PTPRD: variants seen among roughly 807,000 people sequenced by gnomAD.
PTPRD encodes receptor-type tyrosine-protein phosphatase delta.
A neutral mutation model predicts 214.5 loss-of-function variants in PTPRD; 34 were observed. That is an observed-to-expected ratio of 0.16 (90% CI 0.12 to 0.21). PTPRD has a LOEUF of 0.21. PTPRD is among the 10% of genes least tolerant of loss of function. The pLI is 1.00. For missense variants in PTPRD, 2,545 were observed against 2,398.7 expected (o/e 1.06, Z -1.27); for synonymous variants, 1,128 against 845.7 (o/e 1.33, Z -5.79).
At chr9:9,024,483 T>C (rs1277960948) in intron 10 of PTPRD, among the ~76,000 whole-genome samples, 1 of 151,464 alleles carries the variant, frequency 6.6e-6, no homozygotes, top group Non-Finnish European at 1.5e-5. Flanking sequence ...ATTACAAAAA[T>C]TATAATATCT....
chr9:9,674,800 T>C (rs552487740), intron 7 of PTPRD, among the ~76,000 whole-genome samples: 7 of 152,004 alleles, frequency 4.6e-5, no homozygotes, highest in African/African-American at 1.4e-4. Flanking sequence ...AAGATTTTGA[T>C]ACATATAAAG....
At chr9:9,766,698 C>T (rs936614693) in intron 6 of PTPRD, 112 bp downstream of exon 6, 1 of 152,198 alleles carries the variant, frequency 6.6e-6, no homozygotes, top group Admixed American at 6.5e-5. Context: ...ACAAAAAGTG[C>T]ATGTCCCATG....
At chr9:10,516,229 C>A (rs2050057450) in intron 2 of PTPRD, among the ~76,000 whole-genome samples, 1 of 151,702 alleles carries the variant, frequency 6.6e-6, no homozygotes, top group Admixed American at 6.6e-5. Context: ...ATATCCTGAT[C>A]AACACTTGTC....
intron 7 of PTPRD, among the ~76,000 whole-genome samples, chr9:9,719,715 C>G (rs544562243): frequency 6.6e-6 from 1 of 152,342 alleles, no homozygotes; most frequent in South Asian, 2.1e-4. Context: ...TCCCCGACCT[C>G]AGGGCTCCCC....
chr9:9,317,540 T>G (rs930805276), intron 9 of PTPRD, among the ~76,000 whole-genome samples: 3 of 152,048 alleles, frequency 2.0e-5, no homozygotes, highest in Non-Finnish European at 2.9e-5. Context: ...GCCTCATAAG[T>G]CATTGCTATT....
chr9:9,184,656 C>T (rs1052854144), intron 9 of PTPRD, among the ~76,000 whole-genome samples: 1 of 151,990 alleles, frequency 6.6e-6, no homozygotes, highest in Admixed American at 6.6e-5. Flanking sequence ...TAGCACTTAG[C>T]CTGTTTGGTT....
At chr9:9,795,199 G>T (rs1485659926) in intron 5 of PTPRD, among the ~76,000 whole-genome samples, 1 of 152,134 alleles carries the variant, frequency 6.6e-6, no homozygotes, top group African/African-American at 2.4e-5. Flanking sequence ...CTATGGTGTT[G>T]GAAAGGCCAC....
chr9:10,400,696 CAG>C (rs2098255459), intron 2 of PTPRD, among the ~76,000 whole-genome samples: 1 of 150,218 alleles, frequency 6.7e-6, no homozygotes, highest in Non-Finnish European at 1.5e-5. Flanking sequence ...TAATAATAAT[CAG>C]AGTAATTTTA....
At chr9:10,219,391 A>G (rs1172151635) in intron 3 of PTPRD, among the ~76,000 whole-genome samples, 1 of 151,848 alleles carries the variant, frequency 6.6e-6, no homozygotes, top group East Asian at 1.9e-4. Context: ...GTCTGTCAAG[A>G]TTCTTTTTCC....
chr9:9,567,939 G>T (rs2085089603), intron 8 of PTPRD, among the ~76,000 whole-genome samples: 1 of 151,926 alleles, frequency 6.6e-6, no homozygotes, highest in South Asian at 2.1e-4. Flanking sequence ...TAAAAAGAAG[G>T]CAAAATCCCC....
At chr9:8,352,883 C>T (rs988922828) in intron 39 of PTPRD, among the ~76,000 whole-genome samples, 11 of 152,072 alleles carry the variant, frequency 7.2e-5, no homozygotes, top group African/African-American at 1.7e-4. Flanking sequence ...GAGGCTGAGG[C>T]GGACGGATCA....
chr9:8,925,170 C>CT (rs2098864735), intron 11 of PTPRD, among the ~76,000 whole-genome samples: 1 of 152,072 alleles, frequency 6.6e-6, no homozygotes, highest in African/African-American at 2.4e-5. Flanking sequence ...CTCCCTGACT[C>CT]TAATTACTCC....
intron 2 of PTPRD, among the ~76,000 whole-genome samples, chr9:10,564,811 G>C (rs1443601759): frequency 2.0e-5 from 3 of 152,128 alleles, no homozygotes; most frequent in South Asian, 4.1e-4. Context: ...TTAATGAATA[G>C]ACCATAATGA....
chr9:9,710,281 G>C (rs904162069), intron 7 of PTPRD, among the ~76,000 whole-genome samples: 5 of 151,940 alleles, frequency 3.3e-5, no homozygotes, highest in African/African-American at 1.2e-4. Context: ...AATTTACATA[G>C]CTAATCCATA....
intron 10 of PTPRD, among the ~76,000 whole-genome samples, chr9:9,050,611 A>T (rs1053048522): frequency 6.6e-6 from 1 of 152,100 alleles, no homozygotes; most frequent in Non-Finnish European, 1.5e-5. Flanking sequence ...AAATTGCATC[A>T]CTCTGAGTAG....
intron 5 of PTPRD, among the ~76,000 whole-genome samples, chr9:9,900,642 T>TG (rs1566124936): frequency 8.5e-6 from 1 of 116,962 alleles, no homozygotes; most frequent in Non-Finnish European, 1.6e-5. Flanking sequence ...CATTTTCAGG[T>TG]TTTTTTTTTT....
rs796538956 is a variant in PTPRD, at chr9:9,014,177, G to GT, written c.-104+4519dup. On this transcript the variant is annotated intron_variant, in intron 11 of 45. Transcript: ENST00000381196. Reference sequence around the variant, plus strand: ...ACTGTTTGGTCCATGCTATTACCTCGTTTTTTTTTGTTTGTTTGTTTGTTT... The same window carrying GT: ...ACTGTTTGGTCCATGCTATTACCTCGTTTTTTTTTTGTTTGTTTGTTTGTTT... Among the ~76,000 whole-genome samples, 465 of 123,256 alleles carry GT rather than the reference G, an allele frequency of 3.8e-3. 4 individuals carry two copies. Among genetic ancestry groups the GT allele is most frequent in the African/African-American group, 0.013 (432 of 32,278 alleles). The allele number at this position is 123,256 out of a possible 152,430, so 80.9% of individuals were successfully genotyped here.
intron 2 of PTPRD, among the ~76,000 whole-genome samples, chr9:10,364,008 T>TGC (rs2097457355): frequency 7.4e-6 from 1 of 134,930 alleles, no homozygotes; most frequent in Non-Finnish European, 1.6e-5. Context: ...TTTTTTTTTT[T>TGC]TTTTTTTTTG....
intron 11 of PTPRD, among the ~76,000 whole-genome samples, chr9:8,796,967 C>A (rs1172456752): frequency 6.6e-6 from 1 of 151,448 alleles, no homozygotes; most frequent in African/African-American, 2.4e-5. Context: ...ATTGAATAAT[C>A]CAAGTAAAAT....
Sources: gnomAD v4.1 joint callset for allele counts (sites outside exome capture counted in the v4.1 genomes callset) on GRCh38, gnomAD v4.1.1 for gene constraint, MANE v1.5 for transcripts, NCBI Gene and HGNC (gene_info 2026-07-23, HGNC 2026-07-21) for gene names.